STT3B: variants seen among roughly 807,000 people sequenced by gnomAD.
STT3B encodes the protein STT3 oligosaccharyltransferase complex catalytic subunit B, also known as dolichyl-diphosphooligosaccharide--protein glycosyltransferase subunit STT3B.
A neutral mutation model predicts 96.8 loss-of-function variants in STT3B; 29 were observed. The observed-to-expected ratio is 0.30, with a 90% CI of 0.22 to 0.41. The LOEUF (loss-of-function observed/expected upper bound fraction) is 0.41, where lower values mean the gene tolerates loss of function less well. Ranked by LOEUF, STT3B falls within the 10% of genes least tolerant of loss-of-function variation. The probability of loss-of-function intolerance (pLI) is 1.00; values close to 1 mark genes in which losing one functional copy is unlikely to be tolerated. For missense variants in STT3B, 640 were observed against 1,022.3 expected (o/e 0.63, Z 5.10); for synonymous variants, 367 against 360.0 (o/e 1.02, Z -0.22).
At chr3:31,622,847 G>A (rs762559076) in intron 10 of STT3B, among the ~76,000 whole-genome samples, 1 of 152,212 alleles carries the variant, frequency 6.6e-6, no homozygotes, top group African/African-American at 2.4e-5. Flanking sequence ...TAGTTTCTCA[G>A]TTGGTGCAAG....
chr3:31,595,213 C>T (rs1046743359), intron 3 of STT3B, among the ~76,000 whole-genome samples: 4 of 152,080 alleles, frequency 2.6e-5, no homozygotes, highest in Admixed American at 2.6e-4. Context: ...AAATTAGAGC[C>T]CTGCCAAGTG....
At chr3:31,624,829 T>A (rs1699501717) in intron 11 of STT3B, 85 bp from the exon 12 acceptor site, 1 of 1,023,518 alleles carries the variant, frequency 9.8e-7, no homozygotes, top group South Asian at 1.7e-5. Context: ...CTGAAAGTAT[T>A]CAGTGGTTTA....
At chr3:31,561,902 A>T (rs1469691791) in intron 1 of STT3B, among the ~76,000 whole-genome samples, 1 of 151,736 alleles carries the variant, frequency 6.6e-6, no homozygotes, top group African/African-American at 2.4e-5. Context: ...TTTTTCTGTA[A>T]ACAGCATTAG....
intron 6 of STT3B, among the ~76,000 whole-genome samples, chr3:31,616,640 G>T (rs1288974462): frequency 3.3e-5 from 5 of 151,536 alleles, no homozygotes; most frequent in African/African-American, 1.2e-4. Flanking sequence ...GGAAAGGGAG[G>T]AACTTAATGT....
intron 11 of STT3B, 109 bp downstream of exon 11, chr3:31,623,970 C>A: frequency 1.0e-6 from 1 of 965,840 alleles, no homozygotes; most frequent in Non-Finnish European, 1.5e-6. Flanking sequence ...TCTGCATTTG[C>A]TTGTTTTTAA....
At chr3:31,619,089 A>C (rs1329402036) in intron 8 of STT3B, among the ~76,000 whole-genome samples, 1 of 152,048 alleles carries the variant, frequency 6.6e-6, no homozygotes, top group African/African-American at 2.4e-5. Context: ...ATTATTGTGT[A>C]AGGTGTAATT....
At chr3:31,589,387 G>A (rs895085324) in intron 3 of STT3B, among the ~76,000 whole-genome samples, 7 of 151,668 alleles carry the variant, frequency 4.6e-5, no homozygotes, top group Non-Finnish European at 8.8e-5. Flanking sequence ...TGTCATGCAC[G>A]AAAAAAAGTC....
chr3:31,577,905 A>G (rs984591714), intron 2 of STT3B, among the ~76,000 whole-genome samples: 1 of 152,098 alleles, frequency 6.6e-6, no homozygotes, highest in Non-Finnish European at 1.5e-5. Context: ...TTTATCTTAA[A>G]TTAATCCTCA....
intron 15 of STT3B, among the ~76,000 whole-genome samples, chr3:31,635,567 C>G (rs73826822): frequency 0.012 from 1,772 of 152,216 alleles, 37 homozygotes; most frequent in African/African-American, 0.041. Context: ...AACAGGGACT[C>G]TAAGAGTTAC....
At chr3:31,596,723 A>G (rs1207541114) in intron 3 of STT3B, 75 bp from the exon 4 acceptor site, 1 of 1,200,084 alleles carries the variant, frequency 8.3e-7, no homozygotes, top group Non-Finnish European at 1.2e-6. Flanking sequence ...TGTGGTTACC[A>G]AACATTTAAC....
chr3:31,622,438 G>A, intron 10 of STT3B, 130 bp downstream of exon 10: 3 of 775,580 alleles, frequency 3.9e-6, no homozygotes, highest in Non-Finnish European at 6.2e-6. Flanking sequence ...TTTCTAGTTG[G>A]TCTCCACTGT....
chr3:31,560,535 A>C (rs1047185474), intron 1 of STT3B, among the ~76,000 whole-genome samples: 4 of 152,018 alleles, frequency 2.6e-5, no homozygotes, highest in Non-Finnish European at 5.9e-5. Context: ...ATATAGTATC[A>C]TTAGCAATTT....
chr3:31,594,378 G>A (rs1042181324), intron 3 of STT3B, among the ~76,000 whole-genome samples: 1 of 151,822 alleles, frequency 6.6e-6, no homozygotes, highest in Non-Finnish European at 1.5e-5. Context: ...TGAAAGTCTG[G>A]GCCTCTAGAA....
At chr3:31,596,726 C>G (rs1266706826) in intron 3 of STT3B, 72 bp from the exon 4 acceptor site, 2 of 1,218,604 alleles carry the variant, frequency 1.6e-6, no homozygotes, top group Non-Finnish European at 2.4e-6. Context: ...GGTTACCAAA[C>G]ATTTAACTTT....
intron 1 of STT3B, among the ~76,000 whole-genome samples, chr3:31,568,483 A>T (rs1698059456): frequency 6.6e-6 from 1 of 152,176 alleles, no homozygotes; most frequent in South Asian, 2.1e-4. Flanking sequence ...CCAACAGTAT[A>T]GGACTGTTCC....
chr3:31,615,581 A>G (rs1399070057), intron 6 of STT3B, among the ~76,000 whole-genome samples: 1 of 151,920 alleles, frequency 6.6e-6, no homozygotes, highest in Non-Finnish European at 1.5e-5. Context: ...GCACTTTAAA[A>G]TTTATGAAAT....
intron 3 of STT3B, among the ~76,000 whole-genome samples, chr3:31,592,331 A>G (rs909010092): frequency 3.3e-4 from 50 of 152,326 alleles, no homozygotes; most frequent in African/African-American, 1.2e-3. Context: ...TTGTATGTAC[A>G]TGCCATATTT....
chr3:31,615,250 G>A (rs773375529), intron 6 of STT3B, 47 bp downstream of exon 6: 3 of 1,365,566 alleles, frequency 2.2e-6, no homozygotes, highest in African/African-American at 1.5e-5. Flanking sequence ...ATGTGGACGT[G>A]TGATTGGCAG....
intron 1 of STT3B, among the ~76,000 whole-genome samples, chr3:31,551,120 C>T (rs935333586): frequency 2.6e-5 from 4 of 151,980 alleles, no homozygotes; most frequent in Non-Finnish European, 5.9e-5. Flanking sequence ...TTGTCTTTTG[C>T]CTTTTACTTT....
Sources: gnomAD v4.1 joint callset for allele counts (sites outside exome capture counted in the v4.1 genomes callset) on GRCh38, gnomAD v4.1.1 for gene constraint, MANE v1.5 for transcripts, NCBI Gene and HGNC (gene_info 2026-07-23, HGNC 2026-07-21) for gene names.